The following ABLIM2 variants were observed in gnomAD, a reference collection of about 807,000 sequenced individuals.
ABLIM2 encodes the protein actin-binding LIM protein 2.
A neutral mutation model predicts 97.7 loss-of-function variants in ABLIM2; 53 were observed. The observed-to-expected ratio is 0.54, with a 90% CI of 0.44 to 0.68. The LOEUF (loss-of-function observed/expected upper bound fraction) is 0.68. Ranked by LOEUF, ABLIM2 falls within the 30% of genes least tolerant of loss-of-function variation. The pLI is 0.00. For synonymous variants in ABLIM2, 361 were observed against 345.8 expected (o/e 1.04, Z -0.49); for missense variants, 835 against 867.2 (o/e 0.96, Z 0.47).
intron 3 of ABLIM2, among the ~76,000 whole-genome samples, chr4:8,091,304 ATT>A (rs1827340343): frequency 5.7e-5 from 2 of 34,954 alleles, no homozygotes; most frequent in African/African-American, 3.0e-4. Context: ...TATATATTAT[ATT>A]ATATATATAT....
rs950352563 is a variant in ABLIM2 at position 8,140,657 on chromosome 4, C to T, written c.10+18023G>A. On this transcript the variant is annotated intron_variant, in intron 1 of 20. Transcript: ENST00000447017. The surrounding 1 kb of genome is among the most constrained non-coding windows in gnomAD (Gnocchi z 5.9). ...ATGATGGAAGCAATGATGATAAAAT[C>T]GACCCCAGAGAATACACAAGAGGGC... 2.6e-5 allele frequency among the ~76,000 whole-genome samples: 4 copies of T among 152,094 alleles called. No homozygotes were observed. Among genetic ancestry groups the T allele is most frequent in the Middle Eastern group, 3.2e-3 (1 of 316 alleles).
At chr4:8,028,768 C>T (rs190441410) in intron 11 of ABLIM2, among the ~76,000 whole-genome samples, 76 of 152,366 alleles carry the variant, frequency 5.0e-4, no homozygotes, top group Non-Finnish European at 8.8e-5. Flanking sequence ...CTCATTCACT[C>T]ATGCACTCAC....
chr4:7,988,058 C>A (rs1458684369), intron 17 of ABLIM2, among the ~76,000 whole-genome samples: 1 of 152,348 alleles, frequency 6.6e-6, no homozygotes, highest in South Asian at 2.1e-4. Flanking sequence ...GAGTCTCGCT[C>A]TGTCACCCAG....
intron 17 of ABLIM2, among the ~76,000 whole-genome samples, chr4:7,990,593 G>A (rs758737635): frequency 2.0e-5 from 3 of 152,096 alleles, no homozygotes; most frequent in Non-Finnish European, 2.9e-5. Flanking sequence ...TGGTCTCACT[G>A]CACCTATGCT....
intron 14 of ABLIM2, among the ~76,000 whole-genome samples, chr4:8,012,810 A>C (rs1450634689): frequency 1.3e-5 from 2 of 152,146 alleles, no homozygotes; most frequent in Non-Finnish European, 2.9e-5. Context: ...TCATCCACCC[A>C]TCCATTCATC....
chr4:8,011,206 G>A (rs1005280738), intron 14 of ABLIM2, among the ~76,000 whole-genome samples: 4 of 152,226 alleles, frequency 2.6e-5, no homozygotes, highest in Non-Finnish European at 5.9e-5. Flanking sequence ...GACACATTCT[G>A]GCTGAAAAGC....
intron 16 of ABLIM2, chr4:7,993,815 C>T (rs1473985777): frequency 2.5e-5 from 11 of 443,436 alleles, no homozygotes; most frequent in Non-Finnish European, 3.6e-5. Context: ...GGGCAAGGCT[C>T]GCTGGGGCTG....
rs956795653 is a variant in ABLIM2 at position 8,044,221 on chromosome 4, G to C, written c.900+943C>G. Among the ~76,000 whole-genome samples the C allele has an allele frequency of 2.0e-5, 3 of 152,290 alleles. No individual in the cohort carries two copies. Among genetic ancestry groups the C allele is most frequent in the African/African-American group, 7.2e-5 (3 of 41,562 alleles). On this transcript the variant is annotated intron_variant, in intron 9 of 20. Transcript: ENST00000447017. This position sits in a 1 kb window ranked among gnomAD's most constrained non-coding sequence, Gnocchi z 4.4. ...TGAGGCATGAAGAACCCAGGTCCTG[G>C]CCTGGCGGGGACGGGGAGGGGAGAA...
intron 3 of ABLIM2, among the ~76,000 whole-genome samples, chr4:8,090,012 C>T (rs943706184): frequency 3.9e-5 from 6 of 152,208 alleles, no homozygotes; most frequent in African/African-American, 1.4e-4. Context: ...GTGGGGCTGG[C>T]ATCCAGTACC....
rs1029067007 is a variant in ABLIM2, at chr4:8,072,629, A to C, written c.675+4999T>G. Among the ~76,000 whole-genome samples the C allele has an allele frequency of 6.6e-6, 1 of 152,246 alleles. No individual in the cohort carries two copies. The highest frequency in any genetic ancestry group is 2.4e-5 in the African/African-American group (1 of 41,458). ...CCAGGAGAAGACAAAGGGTTGGGGG[A>C]AACCTGCGCACCCCGGGCTCCAGTC... On this transcript the variant is annotated intron_variant, in intron 6 of 20. Coordinates refer to ENST00000447017, the MANE Select transcript of ABLIM2 (RefSeq NM_001130083.2). The surrounding 1 kb of genome is among the most constrained non-coding windows in gnomAD (Gnocchi z 5.8).
chr4:8,149,090 G>A lies in ABLIM2; in HGVS notation c.10+9590C>T, dbSNP rs74805658. Among the ~76,000 whole-genome samples the A allele has an allele frequency of 7.2e-5, 11 of 152,232 alleles. No homozygotes were observed. The highest frequency in any genetic ancestry group is 1.7e-4 in the African/African-American group (7 of 41,542). On this transcript the variant is annotated intron_variant, in intron 1 of 20. Coordinates refer to ENST00000447017, the MANE Select transcript of ABLIM2 (RefSeq NM_001130083.2). This position sits in a 1 kb window ranked among gnomAD's most constrained non-coding sequence, Gnocchi z 6.4. ...AGGGCTGGGGCCATCTGGAGGCTCC[G>A]GGGGAGATCCACTTCCGTGCCTCTT...
At chr4:8,039,695 C>T (rs1282601362) in intron 9 of ABLIM2, among the ~76,000 whole-genome samples, 5 of 152,162 alleles carry the variant, frequency 3.3e-5, no homozygotes, top group African/African-American at 1.2e-4. Flanking sequence ...TGCTTTTATA[C>T]TCTGCACTAT....
Position 8,005,759 on chromosome 4 carries a change from G to C in ABLIM2, c.1618+2300C>G, listed in dbSNP as rs998734165. 7.2e-5 allele frequency among the ~76,000 whole-genome samples: 11 copies of C among 152,228 alleles called. No homozygotes were observed. Among genetic ancestry groups the C allele is most frequent in the African/African-American group, 2.7e-4 (11 of 41,456 alleles). On this transcript the variant is annotated intron_variant, in intron 16 of 20. Transcript: ENST00000447017. This position sits in a 1 kb window ranked among gnomAD's most constrained non-coding sequence, Gnocchi z 4.9. ...ACAATCAGAATGGTTAGACACAGCG[G>C]GTTTCCTGCTCAGAGGAAGTGGATG...
chr4:8,040,035 G>A (rs550572053), intron 9 of ABLIM2, among the ~76,000 whole-genome samples: 10 of 152,292 alleles, frequency 6.6e-5, no homozygotes, highest in Admixed American at 5.2e-4. Flanking sequence ...GTCCCTGCCC[G>A]CCAAGCCCTC....
At chr4:8,137,796 C>T (rs977782937) in intron 1 of ABLIM2, among the ~76,000 whole-genome samples, 3 of 152,214 alleles carry the variant, frequency 2.0e-5, no homozygotes, top group East Asian at 1.9e-4. Flanking sequence ...CCATTTGATC[C>T]GGCAGTCCCA....
chr4:8,151,212 C>A (rs1433384472), intron 1 of ABLIM2, among the ~76,000 whole-genome samples: 1 of 152,188 alleles, frequency 6.6e-6, no homozygotes, highest in African/African-American at 2.4e-5. Context: ...CCCAGACTGG[C>A]CCCCTCACAT....
intron 8 of ABLIM2, among the ~76,000 whole-genome samples, chr4:8,049,527 G>T (rs1794682225): frequency 6.6e-6 from 1 of 152,138 alleles, no homozygotes; most frequent in Admixed American, 6.5e-5. Flanking sequence ...GCCTCACTAT[G>T]CCCGCCTCCC....
chr4:8,141,300 A>G (rs1161556749), intron 1 of ABLIM2, among the ~76,000 whole-genome samples: 1 of 152,044 alleles, frequency 6.6e-6, no homozygotes, highest in Non-Finnish European at 1.5e-5. Flanking sequence ...AATCTTATGG[A>G]TTATAAGACC....
At chr4:8,092,258 A>C (rs1481797165) in intron 3 of ABLIM2, among the ~76,000 whole-genome samples, 9 of 151,916 alleles carry the variant, frequency 5.9e-5, no homozygotes, top group Non-Finnish European at 1.0e-4. Context: ...TCAGCCTCCC[A>C]AAGTGCTGGG....
Sources: gnomAD v4.1 joint callset for allele counts (sites outside exome capture counted in the v4.1 genomes callset) on GRCh38, gnomAD v4.1.1 for gene constraint, Gnocchi (gnomAD v3.1) non-coding constraint, MANE v1.5 for transcripts, NCBI Gene and HGNC (gene_info 2026-07-23, HGNC 2026-07-21) for gene names.